The following NTM variants were observed in gnomAD, a reference collection of about 807,000 sequenced individuals.
NTM encodes the protein IgLON family member 2.
In NTM, 13 loss-of-function variants were observed where a neutral mutation model predicts 42.1. That is an observed-to-expected ratio of 0.31 (90% confidence interval 0.20 to 0.49). The LOEUF (loss-of-function observed/expected upper bound fraction) is 0.49. Among genes scored for constraint, NTM ranks in the 20% least tolerant of loss-of-function variants. The pLI, the probability that NTM is intolerant of heterozygous loss-of-function variation, is 0.99. For missense variants in NTM, 373 were observed against 452.8 expected (o/e 0.82, Z 1.60); for synonymous variants, 187 against 179.2 (o/e 1.04, Z -0.35).
chr11:131,526,496 C>T (rs1238930732), intron 1 of NTM, among the ~76,000 whole-genome samples: 1 of 152,174 alleles, frequency 6.6e-6, no homozygotes, highest in Non-Finnish European at 1.5e-5. Context: ...AAGAAATCAT[C>T]TTTGTACATT....
intron 3 of NTM, among the ~76,000 whole-genome samples, chr11:132,193,324 T>TA (rs1478289585): frequency 2.0e-4 from 31 of 151,602 alleles, no homozygotes; most frequent in Non-Finnish European, 4.4e-5. Flanking sequence ...CACAGTGCAA[T>TA]AAAAAAAGAA....
chr11:132,001,344 G>T (rs999875340), intron 2 of NTM, among the ~76,000 whole-genome samples: 1 of 152,112 alleles, frequency 6.6e-6, no homozygotes, highest in Non-Finnish European at 1.5e-5. Context: ...ATATATAAAG[G>T]CTGATTTATA....
intron 1 of NTM, among the ~76,000 whole-genome samples, chr11:131,765,993 A>G (rs2085035662): frequency 6.6e-6 from 1 of 152,222 alleles, no homozygotes; most frequent in Non-Finnish European, 1.5e-5. Context: ...TGTTCTTTGT[A>G]TCACAAATTC....
chr11:131,809,933 A>G (rs2136300415), intron 1 of NTM, among the ~76,000 whole-genome samples: 1 of 152,348 alleles, frequency 6.6e-6, no homozygotes, highest in African/African-American at 2.4e-5. Context: ...AGGTTAATGC[A>G]TACGTGAATA....
chr11:131,668,269 T>TATCC (rs1306700794), intron 1 of NTM, among the ~76,000 whole-genome samples: 1 of 152,038 alleles, frequency 6.6e-6, no homozygotes, highest in Non-Finnish European at 1.5e-5. Context: ...TCTATCTATC[T>TATCC]ATCTATCTAT....
At chr11:132,085,077 A>G (rs909503066) in intron 2 of NTM, among the ~76,000 whole-genome samples, 1 of 152,204 alleles carries the variant, frequency 6.6e-6, no homozygotes, top group African/African-American at 2.4e-5. Context: ...TTTGTTTGCA[A>G]GATTAATTTT....
chr11:132,105,685 T>A (rs2062277628), intron 2 of NTM, among the ~76,000 whole-genome samples: 1 of 152,130 alleles, frequency 6.6e-6, no homozygotes, highest in East Asian at 1.9e-4. Flanking sequence ...TTGTCATGAG[T>A]TGACTCTCCA....
intron 2 of NTM, among the ~76,000 whole-genome samples, chr11:132,027,830 G>A (rs993323762): frequency 1.3e-5 from 2 of 151,998 alleles, no homozygotes; most frequent in African/African-American, 4.8e-5. Flanking sequence ...CATTTTTTCT[G>A]CTTCTTTCTC....
chr11:132,054,708 A>G (rs2213132), intron 2 of NTM, among the ~76,000 whole-genome samples: 2,138 of 152,308 alleles, frequency 0.014, 25 homozygotes, highest in South Asian at 0.03. Flanking sequence ...AGCAGGGGAT[A>G]TACTAACTTA....
At chr11:131,842,483 G>A (rs115544206) in intron 1 of NTM, among the ~76,000 whole-genome samples, 430 of 152,198 alleles carry the variant, frequency 2.8e-3, no homozygotes, top group African/African-American at 9.8e-3. Context: ...ATAGAGCATC[G>A]AGAGGCAGTA....
intron 1 of NTM, among the ~76,000 whole-genome samples, chr11:131,894,581 C>T (rs1029096016): frequency 2.0e-5 from 3 of 152,104 alleles, no homozygotes; most frequent in Non-Finnish European, 4.4e-5. Context: ...ACTGCCTAAC[C>T]CACAGGCTTC....
At chr11:132,199,221 A>T (rs1433489632) in intron 3 of NTM, among the ~76,000 whole-genome samples, 2 of 152,242 alleles carry the variant, frequency 1.3e-5, no homozygotes, top group African/African-American at 4.8e-5. Flanking sequence ...GAAAGGCGTG[A>T]CACCACAGGT....
chr11:131,912,855 T>C (rs1261729000), intron 2 of NTM, among the ~76,000 whole-genome samples: 1 of 152,172 alleles, frequency 6.6e-6, no homozygotes, highest in Non-Finnish European at 1.5e-5. Flanking sequence ...GCAATATCTA[T>C]AGGATAGAAA....
intron 1 of NTM, among the ~76,000 whole-genome samples, chr11:131,384,952 G>A (rs1239912479): frequency 2.0e-5 from 3 of 152,228 alleles, no homozygotes; most frequent in Admixed American, 2.0e-4. Context: ...ATCTGGACCT[G>A]TTGCACATGG....
intron 3 of NTM, among the ~76,000 whole-genome samples, chr11:132,205,039 A>T (rs2081763807): frequency 6.6e-6 from 1 of 152,142 alleles, no homozygotes; most frequent in African/African-American, 2.4e-5. Flanking sequence ...AGCACTCCAG[A>T]TTTGTCCCAT....
chr11:132,272,256 G>A (rs2093516767), intron 4 of NTM, among the ~76,000 whole-genome samples: 1 of 152,060 alleles, frequency 6.6e-6, no homozygotes, highest in Non-Finnish European at 1.5e-5. Flanking sequence ...CCTTATGCCA[G>A]TATCACAGTC....
At chr11:132,247,773 T>C (rs1322675071) in intron 4 of NTM, among the ~76,000 whole-genome samples, 3 of 152,178 alleles carry the variant, frequency 2.0e-5, no homozygotes, top group Admixed American at 6.5e-5. Flanking sequence ...TGGATTTCCC[T>C]TCTTTTCTCT....
At chr11:131,775,463 A>T (rs1448665398) in intron 1 of NTM, among the ~76,000 whole-genome samples, 4 of 152,322 alleles carry the variant, frequency 2.6e-5, no homozygotes, top group Non-Finnish European at 1.5e-5. Flanking sequence ...ATTTTTAGAC[A>T]GCAGAAATCA....
chr11:132,143,467 G>T (rs1459143478), intron 2 of NTM, among the ~76,000 whole-genome samples: 1 of 152,170 alleles, frequency 6.6e-6, no homozygotes, highest in Non-Finnish European at 1.5e-5. Context: ...ACAAAAACTG[G>T]CATGAATCCT....
Sources: gnomAD v4.1 joint callset for allele counts (sites outside exome capture counted in the v4.1 genomes callset) on GRCh38, gnomAD v4.1.1 for gene constraint, MANE v1.5 for transcripts, NCBI Gene and HGNC (gene_info 2026-07-23, HGNC 2026-07-21) for gene names.